The following FBXW8 variants were observed in gnomAD, a reference collection of about 807,000 sequenced individuals.
FBXW8 encodes F-box/WD repeat-containing protein 8.
FBXW8 carries 57 observed loss-of-function variants against 65.3 expected under a neutral mutation model. The observed-to-expected ratio is 0.87, with a 90% CI of 0.71 to 1.09. The LOEUF (loss-of-function observed/expected upper bound fraction) is 1.09, where lower values mean the gene tolerates loss of function less well. Ranked by LOEUF, FBXW8 falls within the 50% of genes least tolerant of loss-of-function variation. The probability of loss-of-function intolerance (pLI) is 0.00; values close to 1 mark genes in which losing one functional copy is unlikely to be tolerated. For synonymous variants in FBXW8, 308 were observed against 330.2 expected (o/e 0.93, Z 0.73); for missense variants, 777 against 814.8 (o/e 0.95, Z 0.57).
chr12:116,940,493 C>T (rs1592863564), intron 2 of FBXW8, among the ~76,000 whole-genome samples: 3 of 137,372 alleles, frequency 2.2e-5, no homozygotes, highest in Non-Finnish European at 4.6e-5. Flanking sequence ...GGATGGTGGG[C>T]TTTTTTTTTT....
chr12:116,994,805 C>T (rs1009263416), intron 7 of FBXW8, among the ~76,000 whole-genome samples: 6 of 152,066 alleles, frequency 3.9e-5, no homozygotes, highest in African/African-American at 1.2e-4. Context: ...TGCTAGATTG[C>T]TCCTGGTGTT....
At chr12:117,006,286 C>T (rs1565938218) in intron 7 of FBXW8, among the ~76,000 whole-genome samples, 2 of 152,202 alleles carry the variant, frequency 1.3e-5, no homozygotes, top group Admixed American at 6.5e-5. Context: ...ACAGTGATTT[C>T]AGTATGCAAG....
chr12:117,009,522 A>G (rs1953754917), intron 7 of FBXW8, among the ~76,000 whole-genome samples: 1 of 152,226 alleles, frequency 6.6e-6, no homozygotes. Flanking sequence ...AGCCTTCTGA[A>G]TGTGAATTTG....
In FBXW8 at chr12:117,015,596, G is replaced by A. The variant is rs950786883; in HGVS notation, c.1367+5146G>A. ...TGGAGAACCAAGAGTTGGTGCTAAG[G>A]GCAAATGTCAGGCTGTAACTGGGTT... On this transcript the variant is annotated intron_variant, in intron 8 of 10. Transcript: ENST00000652555. 3.3e-5 allele frequency among the ~76,000 whole-genome samples: 5 copies of A among 152,238 alleles called. No individual in the cohort carries two copies. The South Asian group carries it at 1.0e-3, about 32-fold the overall frequency.
At position 116,967,646 on chromosome 12, in the gene FBXW8, ATTGT is replaced by A. The variant is rs377394680; in HGVS notation, c.835+2798_835+2801del. Among the ~76,000 whole-genome samples, 23 of 152,090 alleles carry A rather than the reference ATTGT, an allele frequency of 1.5e-4. No homozygotes were observed. The East Asian group carries it at 3.9e-3, about 26-fold the overall frequency. On this transcript the variant is annotated intron_variant, in intron 5 of 10. Coordinates refer to ENST00000652555, the MANE Select transcript of FBXW8 (RefSeq NM_153348.3). ...GCTGTTTCTATTTCTTTCTCTGCAA[ATTGT>A]TTGTTCCTGTCTTTCTTCATTTTTC...
At position 117,024,986 on chromosome 12, in the gene FBXW8, C is replaced by CCTAA. The variant is rs199702985; in HGVS notation, c.1541+669_1541+672dup. ...GGTAGGTAGGTTTACGCCAGTGGCACCTAACTGGTTAAGACATTTCCAGTG... is the reference window on the plus strand; with the variant it reads ...GGTAGGTAGGTTTACGCCAGTGGCACCTAACTAACTGGTTAAGACATTTCCAGTG... On this transcript the variant is annotated intron_variant, in intron 9 of 10. Transcript: ENST00000652555. Among the ~76,000 whole-genome samples, 454 of 152,306 alleles carry CCTAA rather than the reference C, an allele frequency of 3.0e-3. 3 individuals carry two copies. The highest frequency in any genetic ancestry group is 0.011 in the African/African-American group (442 of 41,548).
chr12:116,983,419 C>T (rs988178763), intron 5 of FBXW8, among the ~76,000 whole-genome samples: 3 of 152,132 alleles, frequency 2.0e-5, no homozygotes, highest in African/African-American at 4.8e-5. Context: ...GTTTTAGATG[C>T]GAAGCAACAT....
chr12:116,928,334 A>C (rs571788674), intron 2 of FBXW8, among the ~76,000 whole-genome samples: 2 of 152,342 alleles, frequency 1.3e-5, no homozygotes, highest in East Asian at 3.9e-4. Flanking sequence ...CTGTGACCCA[A>C]GAGCTCTTTT....
rs1277891977 is a variant in FBXW8, at chr12:117,027,396, AC to A, written c.1547del (p.Pro516ArgfsTer22). The A allele has an allele frequency of 1.9e-6, 3 of 1,613,662 alleles. No homozygotes were observed. The highest frequency in any genetic ancestry group is 2.5e-6 in the Non-Finnish European group (3 of 1,179,930). On this transcript the variant is annotated frameshift_variant, in exon 10 of 11. Transcript: ENST00000652555. LOFTEE classifies it high-confidence loss of function. ...NQKLWEVYSG[H>X]PVQHISFSSH... ...AGCTCTCTCCCACTGCCTTCCAGGC[AC>A]CCGGTGCAGCACATCTCATTCAGCA...
At chr12:117,017,966 T>A (rs1953997430) in intron 8 of FBXW8, among the ~76,000 whole-genome samples, 1 of 152,186 alleles carries the variant, frequency 6.6e-6, no homozygotes, top group Non-Finnish European at 1.5e-5. Context: ...CTGCCTGCTG[T>A]TAGAGAGAGA....
At chr12:116,934,144 T>G (rs1881982177) in intron 2 of FBXW8, among the ~76,000 whole-genome samples, 1 of 152,206 alleles carries the variant, frequency 6.6e-6, no homozygotes, top group Non-Finnish European at 1.5e-5. Flanking sequence ...GGAGACTGAT[T>G]TTGCTTTGAC....
In FBXW8 at chr12:117,024,286, C is replaced by G. The variant is rs775427815; in HGVS notation, c.1507C>G (p.Arg503Gly). 2 of 1,614,154 alleles carry G rather than the reference C, an allele frequency of 1.2e-6. No homozygotes were observed. The highest frequency in any genetic ancestry group is 1.1e-5 in the South Asian group (1 of 91,068). The change falls in exon 9 of 11, where the codon CGG becomes GGG. Residue 503 changes from arginine (R) to glycine (G), a missense_variant. Arg to Gly is a moderately radical substitution (Grantham distance 125). Coordinates refer to ENST00000652555, the MANE Select transcript of FBXW8 (RefSeq NM_153348.3). ...EEGLVSVWDYRMNQKLWEVYS... is the reference protein window; with the variant it reads ...EEGLVSVWDYGMNQKLWEVYS... ...AGGCCTGGTGTCCGTGTGGGATTAT[C>G]GGATGAACCAGAAGCTGTGGGAGGT...
At chr12:116,957,665 T>A (rs1555220397) in intron 4 of FBXW8, among the ~76,000 whole-genome samples, 1 of 152,176 alleles carries the variant, frequency 6.6e-6, no homozygotes, top group Non-Finnish European at 1.5e-5. Context: ...TCTCCTTTTT[T>A]AAAAAAACTT....
chr12:117,026,641 T>TTAAC (rs1404884725), intron 9 of FBXW8, among the ~76,000 whole-genome samples: 1 of 151,850 alleles, frequency 6.6e-6, no homozygotes, highest in African/African-American at 2.4e-5. Context: ...CTCCCAGCAC[T>TTAAC]TAACTCTGGG....
intron 1 of FBXW8, among the ~76,000 whole-genome samples, chr12:116,912,848 A>G (rs139760206): frequency 6.6e-6 from 1 of 152,202 alleles, no homozygotes; most frequent in Non-Finnish European, 1.5e-5. Flanking sequence ...AAATAGCATT[A>G]ATAGCTACTA....
chr12:116,926,691 A>G (rs1027384059), intron 1 of FBXW8, among the ~76,000 whole-genome samples: 1 of 151,600 alleles, frequency 6.6e-6, no homozygotes, highest in Non-Finnish European at 1.5e-5. Flanking sequence ...TTGATTTAAC[A>G]TTCTGTTCCT....
chr12:117,016,533 T>C (rs1953950426), intron 8 of FBXW8, among the ~76,000 whole-genome samples: 1 of 152,234 alleles, frequency 6.6e-6, no homozygotes, highest in South Asian at 2.1e-4. Context: ...TCATCAGATA[T>C]GTGATTTGCA....
chr12:116,924,834 G>A lies in FBXW8; in HGVS notation c.319-3189G>A, dbSNP rs142209884. On this transcript the variant is annotated intron_variant, in intron 1 of 10. Transcript: ENST00000652555. ...TGCTCACAACTCTGCCTCTTGTAAG[G>A]TGTTTCTCAAATGATATTTCCAATA... 2.0e-4 allele frequency among the ~76,000 whole-genome samples: 31 copies of A among 152,268 alleles called. No homozygotes were observed. In the East Asian group the frequency reaches 5.6e-3, roughly 27 times the overall value.
intron 9 of FBXW8, among the ~76,000 whole-genome samples, chr12:117,027,165 G>A (rs3741465): frequency 0.12 from 17,896 of 152,256 alleles, 1,319 homozygotes; most frequent in South Asian, 0.25. Flanking sequence ...GCATGCGTAC[G>A]GGGCATGCAG....
Sources: gnomAD v4.1 joint callset for allele counts (sites outside exome capture counted in the v4.1 genomes callset) on GRCh38, gnomAD v4.1.1 for gene constraint, MANE v1.5 for transcripts, NCBI Gene and HGNC (gene_info 2026-07-23, HGNC 2026-07-21) for gene names.